RYR3: variants seen among roughly 807,000 people sequenced by gnomAD.
RYR3 encodes ryanodine receptor 3, also known as brain ryanodine receptor-calcium release channel.
Under a neutral mutation model 584.3 loss-of-function variants are expected in RYR3, and 207 were observed. The observed-to-expected ratio is 0.35, with a 90% CI of 0.32 to 0.40. RYR3 has a LOEUF of 0.40. RYR3 is among the 10% of genes least tolerant of loss of function. The pLI is 1.00. For missense variants in RYR3, 5,616 were observed against 6,089.2 expected (o/e 0.92, Z 2.59); for synonymous variants, 2,416 against 2,248.5 (o/e 1.07, Z -2.11).
At chr15:33,567,057 T>C (rs1463304386) in intron 12 of RYR3, among the ~76,000 whole-genome samples, 1 of 152,204 alleles carries the variant, frequency 6.6e-6, no homozygotes, top group Non-Finnish European at 1.5e-5. Context: ...GATCTTTGCA[T>C]GAAAATTAAG....
intron 32 of RYR3, among the ~76,000 whole-genome samples, chr15:33,659,460 C>G (rs549826883): frequency 1.3e-5 from 2 of 152,234 alleles, no homozygotes; most frequent in African/African-American, 4.8e-5. Flanking sequence ...CTGGAGGAAG[C>G]TACTGGCTAC....
intron 46 of RYR3, among the ~76,000 whole-genome samples, chr15:33,727,830 T>G (rs1286800547): frequency 6.6e-6 from 1 of 152,204 alleles, no homozygotes; most frequent in Non-Finnish European, 1.5e-5. Flanking sequence ...TTTCCTAGTT[T>G]TTAGTGTCAA....
rs139758855 is a variant in RYR3 at position 33,857,919 on chromosome 15, GAGCCCACCCACTGCGGGGCC to G, written c.14142+27_14142+46del. 0.077 allele frequency: 124,705 copies of G among 1,610,666 alleles called. 9,420 individuals carry two copies. The highest frequency in any genetic ancestry group is 0.39 in the African/African-American group (29,402 of 74,556). On this transcript the variant is annotated splice_donor_region_variant and intron_variant, in intron 99 of 103. Coordinates refer to ENST00000634891, the MANE Select transcript of RYR3 (RefSeq NM_001036.6). ...AAGTGCGACGACATGATGACGGTGA[GAGCCCACCCACTGCGGGGCC>G]AGCCCACCCACTGCGGGGCCACCCC...
chr15:33,402,219 A>G (rs2042725800), intron 1 of RYR3, among the ~76,000 whole-genome samples: 1 of 152,222 alleles, frequency 6.6e-6, no homozygotes, highest in Admixed American at 6.5e-5. Context: ...AAATTATAAG[A>G]CACTAATAAA....
chr15:33,458,040 G>A (rs1464228601), intron 1 of RYR3, among the ~76,000 whole-genome samples: 1 of 152,162 alleles, frequency 6.6e-6, no homozygotes, highest in Non-Finnish European at 1.5e-5. Context: ...CTTGGCTAGT[G>A]TGATGGTTAA....
intron 94 of RYR3, chr15:33,851,623 C>T (rs552252276): frequency 6.6e-6 from 1 of 152,272 alleles, no homozygotes; most frequent in South Asian, 2.1e-4. Context: ...TCAGAATGCT[C>T]AGATGAAGGT....
intron 42 of RYR3, among the ~76,000 whole-genome samples, chr15:33,705,288 G>A (rs2066616506): frequency 6.6e-6 from 1 of 152,078 alleles, no homozygotes; most frequent in Non-Finnish European, 1.5e-5. Flanking sequence ...GTTTAAGAAG[G>A]AAAAAGTGTG....
intron 19 of RYR3, among the ~76,000 whole-genome samples, chr15:33,614,867 G>A (rs980646687): frequency 2.0e-5 from 3 of 151,808 alleles, no homozygotes; most frequent in Non-Finnish European, 4.4e-5. Flanking sequence ...ACTCATAATA[G>A]TACCACCTAG....
intron 72 of RYR3, 68 bp downstream of exon 72, chr15:33,811,105 C>A: frequency 7.6e-7 from 1 of 1,316,646 alleles, no homozygotes; most frequent in Non-Finnish European, 1.1e-6. Flanking sequence ...TCCAGCTTTT[C>A]ACTTCATTTA....
intron 19 of RYR3, among the ~76,000 whole-genome samples, chr15:33,620,832 A>G (rs901956168): frequency 6.6e-5 from 10 of 152,188 alleles, no homozygotes; most frequent in African/African-American, 2.2e-4. Context: ...TGTCTGTTCA[A>G]TCTGCCTGCT....
chr15:33,772,367 A>G (rs1237888272), intron 63 of RYR3, among the ~76,000 whole-genome samples: 2 of 152,230 alleles, frequency 1.3e-5, no homozygotes, highest in African/African-American at 4.8e-5. Context: ...TGAGTATATA[A>G]TATTTATCTT....
intron 10 of RYR3, among the ~76,000 whole-genome samples, 187 bp downstream of exon 10, chr15:33,550,503 A>T (rs1365973215): frequency 6.6e-6 from 1 of 152,202 alleles, no homozygotes; most frequent in Non-Finnish European, 1.5e-5. Flanking sequence ...TGTACCTTGG[A>T]TGAAGGTTGA....
At chr15:33,724,368 C>T (rs983487018) in intron 45 of RYR3, among the ~76,000 whole-genome samples, 192 bp downstream of exon 45, 2 of 152,296 alleles carry the variant, frequency 1.3e-5, no homozygotes, top group South Asian at 2.1e-4. Context: ...GAGGGACTCC[C>T]GGGCAGATCC....
At chr15:33,647,362 G>T in intron 29 of RYR3, 62 bp from the exon 30 acceptor site, 1 of 1,363,932 alleles carries the variant, frequency 7.3e-7, no homozygotes, top group Non-Finnish European at 1.0e-6. Context: ...CAAGTTGCCT[G>T]TCGGAACTGT....
At chr15:33,821,479 C>G in intron 79 of RYR3, 44 bp from the exon 80 acceptor site, 8 of 1,607,914 alleles carry the variant, frequency 5.0e-6, no homozygotes, top group Non-Finnish European at 6.8e-6. Context: ...GCATGATTTA[C>G]CATCTGTTTC....
At chr15:33,455,625 T>C (rs989833249) in intron 1 of RYR3, among the ~76,000 whole-genome samples, 4 of 152,138 alleles carry the variant, frequency 2.6e-5, no homozygotes, top group African/African-American at 9.7e-5. Context: ...AATTGAAAGT[T>C]CCTGGCCATC....
At chr15:33,458,740 A>G (rs28503628) in intron 1 of RYR3, among the ~76,000 whole-genome samples, 3,337 of 152,304 alleles carry the variant, frequency 0.022, 58 homozygotes, top group Non-Finnish European at 0.028. Context: ...AGGCAGTATT[A>G]TAAAGGCCTT....
intron 16 of RYR3, among the ~76,000 whole-genome samples, chr15:33,586,877 A>G (rs374664427): frequency 1.3e-5 from 2 of 152,172 alleles, no homozygotes; most frequent in Admixed American, 1.3e-4. Flanking sequence ...TATCGTGCTA[A>G]TTAGTGGCCA....
At chr15:33,540,103 G>A (rs1009752672) in intron 6 of RYR3, among the ~76,000 whole-genome samples, 1 of 152,168 alleles carries the variant, frequency 6.6e-6, no homozygotes, top group Non-Finnish European at 1.5e-5. Flanking sequence ...AGATGATGGT[G>A]CTGCATCCAG....
Sources: allele counts gnomAD v4.1 joint callset (sites outside exome capture counted in the v4.1 genomes callset), GRCh38; gene constraint gnomAD v4.1.1; transcripts MANE v1.5; gene names NCBI Gene and HGNC (gene_info 2026-07-23, HGNC 2026-07-21).